The following VPS13B variants were observed in gnomAD, a reference collection of about 807,000 sequenced individuals.
VPS13B encodes intermembrane lipid transfer protein VPS13B.
VPS13B carries 285 observed loss-of-function variants against 426.4 expected under a neutral mutation model. The ratio of observed to expected loss-of-function variants is 0.67; its 90% confidence interval spans 0.61 to 0.74. VPS13B has a LOEUF of 0.74. Ranked by LOEUF, VPS13B falls within the 30% of genes least tolerant of loss-of-function variation. VPS13B has a pLI of 0.00. For synonymous variants in VPS13B, 1,676 were observed against 1,676.4 expected (o/e 1.00, Z 0.01); for missense variants, 4,537 against 4,782.6 (o/e 0.95, Z 1.51).
rs144734188 is a variant in VPS13B at position 99,396,670 on chromosome 8, G to A, written c.3082+4966G>A. 3.0e-3 allele frequency among the ~76,000 whole-genome samples: 449 copies of A among 151,900 alleles called. 3 individuals carry two copies. The highest frequency in any genetic ancestry group is 0.01 in the African/African-American group (422 of 41,380). On this transcript the variant is annotated intron_variant, in intron 21 of 61. Transcript: ENST00000357162. ...TACTCTAAATTTGCAGCCCTGTCCC[G>A]TGGCACTAAGATAGTGAAAGATTTT...
chr8:99,364,439 G>A (rs1170590204), intron 19 of VPS13B, among the ~76,000 whole-genome samples: 1 of 151,014 alleles, frequency 6.6e-6, no homozygotes, highest in South Asian at 2.1e-4. Context: ...TCTTTTTTTT[G>A]TTTTTGTTTT....
chr8:99,350,152 A>G (rs1811798045), intron 19 of VPS13B, among the ~76,000 whole-genome samples: 1 of 152,012 alleles, frequency 6.6e-6, no homozygotes, highest in Admixed American at 6.6e-5. Context: ...TGGCTTTTCA[A>G]ACAGAATGAA....
At chr8:99,551,576 A>T (rs945792863) in intron 30 of VPS13B, among the ~76,000 whole-genome samples, 1 of 151,712 alleles carries the variant, frequency 6.6e-6, no homozygotes, top group African/African-American at 2.4e-5. Context: ...TCTAATTTTT[A>T]TTTATTTGGA....
intron 19 of VPS13B, among the ~76,000 whole-genome samples, chr8:99,293,771 C>CA (rs1045570608): frequency 2.0e-5 from 3 of 151,954 alleles, no homozygotes; most frequent in East Asian, 1.9e-4. Context: ...TTTATGCAGC[C>CA]AAAAAATACA....
chr8:99,812,596 C>T (rs781713368), intron 44 of VPS13B, among the ~76,000 whole-genome samples: 1 of 152,190 alleles, frequency 6.6e-6, no homozygotes, highest in Non-Finnish European at 1.5e-5. Flanking sequence ...TCATTTCCCT[C>T]AATTGAATGA....
rs547783522 is a variant in VPS13B, at chr8:99,185,449, G to T, written c.2334-7427G>T. On this transcript the variant is annotated intron_variant, in intron 16 of 61. Transcript: ENST00000357162. Reference sequence around the variant, plus strand: ...AATATACATCTTAGCTTTTTAAACTGTTTTCATTTCTAAGTTGAGTTAGCA... The same window carrying T: ...AATATACATCTTAGCTTTTTAAACTTTTTTCATTTCTAAGTTGAGTTAGCA... 2.6e-5 allele frequency among the ~76,000 whole-genome samples: 4 copies of T among 152,100 alleles called. No individual in the cohort carries two copies. In the East Asian group the frequency reaches 7.7e-4, roughly 29 times the overall value.
At chr8:99,126,195 C>G (rs907777460) in intron 8 of VPS13B, among the ~76,000 whole-genome samples, 2 of 152,030 alleles carry the variant, frequency 1.3e-5, no homozygotes, top group African/African-American at 4.8e-5. Context: ...AAGGTGATAG[C>G]GGTTTTTGAA....
chr8:99,403,528 G>A, intron 21 of VPS13B, among the ~76,000 whole-genome samples: 1 of 145,386 alleles, frequency 6.9e-6, no homozygotes, highest in African/African-American at 2.6e-5. Flanking sequence ...CAACCTGGGT[G>A]ACAGAGCAAG....
intron 33 of VPS13B, among the ~76,000 whole-genome samples, chr8:99,579,621 A>T (rs920365452): frequency 6.6e-6 from 1 of 151,694 alleles, no homozygotes; most frequent in Non-Finnish European, 1.5e-5. Flanking sequence ...GCTGGTCTCC[A>T]ACTCGTGACC....
At chr8:99,318,554 C>T (rs1424683903) in intron 19 of VPS13B, among the ~76,000 whole-genome samples, 1 of 152,126 alleles carries the variant, frequency 6.6e-6, no homozygotes, top group Non-Finnish European at 1.5e-5. Flanking sequence ...GAGTCTCGCT[C>T]TGTTACCCAG....
chr8:99,618,282 CAAAAAAA>C (rs11301760), intron 33 of VPS13B, among the ~76,000 whole-genome samples: 141 of 117,236 alleles, frequency 1.2e-3, no homozygotes, highest in African/African-American at 3.9e-3. Flanking sequence ...GTGTATATTT[CAAAAAAA>C]AAAAAAAAAA....
chr8:99,752,280 C>CA (rs1810433897), intron 39 of VPS13B, among the ~76,000 whole-genome samples: 1 of 152,128 alleles, frequency 6.6e-6, no homozygotes, highest in South Asian at 2.1e-4. Context: ...GTGCTAGACC[C>CA]ATGGAGAACT....
intron 16 of VPS13B, among the ~76,000 whole-genome samples, chr8:99,176,251 C>T (rs1437406837): frequency 6.6e-6 from 1 of 152,040 alleles, no homozygotes; most frequent in Non-Finnish European, 1.5e-5. Context: ...TCTCGTTCCT[C>T]AACCTCCTGA....
chr8:99,609,557 G>A (rs981752455), intron 33 of VPS13B, among the ~76,000 whole-genome samples: 2 of 152,128 alleles, frequency 1.3e-5, no homozygotes, highest in African/African-American at 4.8e-5. Flanking sequence ...AAACAAAAAT[G>A]CTTTTCCATA....
At chr8:99,487,416 C>G (rs1018335913) in intron 25 of VPS13B, among the ~76,000 whole-genome samples, 5 of 152,100 alleles carry the variant, frequency 3.3e-5, no homozygotes, top group African/African-American at 1.2e-4. Context: ...TATCAATTAA[C>G]TTCTTTGGTG....
intron 36 of VPS13B, among the ~76,000 whole-genome samples, chr8:99,714,985 C>T (rs1216730211): frequency 6.6e-6 from 1 of 151,950 alleles, no homozygotes; most frequent in Non-Finnish European, 1.5e-5. Flanking sequence ...TTCCTGATTT[C>T]AGTATTTGTA....
intron 24 of VPS13B, among the ~76,000 whole-genome samples, chr8:99,474,511 A>G (rs1482928607): frequency 6.6e-6 from 1 of 152,114 alleles, no homozygotes; most frequent in Non-Finnish European, 1.5e-5. Context: ...ACTCAATAAC[A>G]TGAAGATGAA....
intron 44 of VPS13B, among the ~76,000 whole-genome samples, chr8:99,810,429 T>G (rs1046776400): frequency 1.3e-5 from 2 of 152,246 alleles, no homozygotes; most frequent in Non-Finnish European, 2.9e-5. Context: ...GGCTATTCTG[T>G]TGCTGCATGC....
intron 39 of VPS13B, among the ~76,000 whole-genome samples, chr8:99,727,989 T>G (rs910375151): frequency 6.6e-6 from 1 of 152,210 alleles, no homozygotes; most frequent in African/African-American, 2.4e-5. Flanking sequence ...TAAATATCCT[T>G]CTAATAGTTT....
Sources: allele counts gnomAD v4.1 joint callset (sites outside exome capture counted in the v4.1 genomes callset), GRCh38; gene constraint gnomAD v4.1.1; transcripts MANE v1.5; gene names NCBI Gene and HGNC (gene_info 2026-07-23, HGNC 2026-07-21).